BCAR3: variants seen among roughly 807,000 people sequenced by gnomAD.
BCAR3 encodes BCAR3 adaptor protein, NSP family member.
In BCAR3, 37 loss-of-function variants were observed where a neutral mutation model predicts 80.1. The ratio of observed to expected loss-of-function variants is 0.46; its 90% CI spans 0.36 to 0.61. BCAR3 has a LOEUF of 0.61. Among genes scored for constraint, BCAR3 ranks in the 20% least tolerant of loss-of-function variants. The pLI is 0.00. For synonymous variants in BCAR3, 389 were observed against 418.9 expected, an observed-to-expected ratio of 0.93 and a Z score of 0.87; for missense variants, 978 against 1,068.2, an observed-to-expected ratio of 0.92 and a Z score of 1.18.
At chr1:93,590,354 T>C (rs2101847217) in intron 4 of BCAR3, 1 of 152,296 alleles carries the variant, frequency 6.6e-6, no homozygotes, top group East Asian at 1.9e-4. Context: ...AATTACATAA[T>C]CTCCTTGTGG....
At chr1:93,842,148 C>CT (rs3068798) in intron 2 of BCAR3, among the ~76,000 whole-genome samples, 1,749 of 143,422 alleles carry the variant, frequency 0.012, 50 homozygotes, top group African/African-American at 0.036. Flanking sequence ...ACCTGTCATC[C>CT]TTTTTTTTTT....
intron 2 of BCAR3, among the ~76,000 whole-genome samples, chr1:93,741,034 C>A (rs1651157515): frequency 1.3e-5 from 2 of 152,180 alleles, no homozygotes; most frequent in South Asian, 4.1e-4. Context: ...TGTCTCTGAG[C>A]TAGAGTCCTT....
At chr1:93,772,901 G>A (rs1652409062) in intron 2 of BCAR3, among the ~76,000 whole-genome samples, 1 of 152,094 alleles carries the variant, frequency 6.6e-6, no homozygotes, top group Non-Finnish European at 1.5e-5. Context: ...ACCACACCCG[G>A]CCATCAACCT....
rs12405437 is a variant in BCAR3, at chr1:93,728,848, G to T, written c.-62-22706C>A. ...CTCAGGGTTTTTATAGACATAGGAT[G>T]GGGGCGCGGCAGGCCAGGGTGGTCT... is the stretch of plus-strand genomic sequence containing the variant. On this transcript the variant is annotated intron_variant, in intron 2 of 13. Transcript: ENST00000370244. Among the ~76,000 whole-genome samples, 12 of 152,200 alleles carry T rather than the reference G, an allele frequency of 7.9e-5. No individual in the cohort carries two copies. In the South Asian group the frequency reaches 2.5e-3, roughly 32 times the overall value.
chr1:93,843,630 T>C (rs1049893245), intron 2 of BCAR3, among the ~76,000 whole-genome samples: 3 of 152,212 alleles, frequency 2.0e-5, no homozygotes, highest in Non-Finnish European at 4.4e-5. Context: ...AAATTCCTTT[T>C]TAGGTATGTT....
intron 2 of BCAR3, among the ~76,000 whole-genome samples, chr1:93,818,348 C>T (rs374604737): frequency 1.3e-5 from 2 of 152,146 alleles, no homozygotes; most frequent in African/African-American, 4.8e-5. Context: ...CAATGTCTAC[C>T]GCCTCCTTCT....
intron 2 of BCAR3, among the ~76,000 whole-genome samples, chr1:93,749,406 G>T (rs1423587441): frequency 6.6e-6 from 1 of 151,844 alleles, no homozygotes; most frequent in African/African-American, 2.4e-5. Flanking sequence ...GGCTAACATG[G>T]TGAAACCCCG....
intron 7 of BCAR3, among the ~76,000 whole-genome samples, chr1:93,579,285 G>A (rs540167545): frequency 1.3e-5 from 2 of 152,352 alleles, no homozygotes; most frequent in African/African-American, 4.8e-5. Flanking sequence ...GAAACAACAG[G>A]TCTTGTTGTA....
intron 2 of BCAR3, among the ~76,000 whole-genome samples, chr1:93,800,140 C>T (rs564034458): frequency 3.2e-4 from 48 of 152,262 alleles, no homozygotes; most frequent in Middle Eastern, 6.8e-3. Context: ...TTTCTATTAT[C>T]GCTTCCTGTT....
At chr1:93,613,820 T>G in intron 3 of BCAR3, 1 of 1,549,262 alleles carries the variant, frequency 6.5e-7, no homozygotes, top group Non-Finnish European at 8.7e-7. Context: ...GATTGACAGA[T>G]GTACTTTATT....
intron 1 of BCAR3, among the ~76,000 whole-genome samples, chr1:93,676,471 C>A (rs1387157336): frequency 6.6e-6 from 1 of 152,166 alleles, no homozygotes; most frequent in Admixed American, 6.5e-5. Context: ...GGTTCATTGT[C>A]AAATCCAGTA....
chr1:93,702,205 C>T (rs1037307251), intron 3 of BCAR3, among the ~76,000 whole-genome samples: 28 of 152,140 alleles, frequency 1.8e-4, no homozygotes, highest in African/African-American at 6.0e-4. Flanking sequence ...CCTGAAGCTG[C>T]GCCCCCATGA....
intron 3 of BCAR3, among the ~76,000 whole-genome samples, chr1:93,628,136 C>T (rs1174960527): frequency 6.6e-6 from 1 of 152,160 alleles, no homozygotes; most frequent in Non-Finnish European, 1.5e-5. Context: ...CAAGCCACCT[C>T]CACTGACAAC....
chr1:93,676,442 C>T (rs1182180491), intron 1 of BCAR3, among the ~76,000 whole-genome samples: 1 of 152,184 alleles, frequency 6.6e-6, no homozygotes, highest in East Asian at 1.9e-4. Flanking sequence ...TGAAGGTGTA[C>T]AATCTTAACT....
intron 5 of BCAR3, among the ~76,000 whole-genome samples, chr1:93,587,558 G>A (rs981268278): frequency 1.3e-5 from 2 of 152,186 alleles, no homozygotes; most frequent in African/African-American, 2.4e-5. Flanking sequence ...TGGGTCCCCA[G>A]CCAGATGCTG....
In BCAR3 at chr1:93,698,181, A is replaced by G. The variant is rs373220981; in HGVS notation, c.-12+7911T>C. On this transcript the variant is annotated intron_variant, in intron 3 of 13. Coordinates refer to the BCAR3 transcript ENST00000370244. ...ACTGAAGCAGAGCATGGGAAGCAGG[A>G]CAAGGCAGCTCAGCCAAGGGGGCAA... Among the ~76,000 whole-genome samples, 5 of 152,318 alleles carry G rather than the reference A, an allele frequency of 3.3e-5. No homozygotes were observed. In the East Asian group the frequency reaches 7.7e-4, roughly 24 times the overall value.
At chr1:93,747,282 G>A (rs12078134) in intron 2 of BCAR3, among the ~76,000 whole-genome samples, 12,968 of 151,714 alleles carry the variant, frequency 0.085, 1,271 homozygotes, top group African/African-American at 0.21. Context: ...GCACTGGTAG[G>A]CTCTGTTCAG....
chr1:93,571,920 G>A, intron 8 of BCAR3, 79 bp from the exon 9 acceptor site: 2 of 1,489,148 alleles, frequency 1.3e-6, no homozygotes, highest in South Asian at 2.6e-5. Context: ...CCAAGAGCAG[G>A]GCTGTTTTTG....
At chr1:93,634,744 C>T (rs1180231675) in intron 3 of BCAR3, among the ~76,000 whole-genome samples, 1 of 151,950 alleles carries the variant, frequency 6.6e-6, no homozygotes. Flanking sequence ...AGTTTCCCTG[C>T]ACAAGCTCTC....
Sources: allele counts gnomAD v4.1 joint callset (sites outside exome capture counted in the v4.1 genomes callset), GRCh38; gene constraint gnomAD v4.1.1; transcripts MANE v1.5; gene names NCBI Gene and HGNC (gene_info 2026-07-23, HGNC 2026-07-21).